The following MARCHF5 variants were observed in gnomAD, a reference collection of about 807,000 sequenced individuals.
MARCHF5 encodes the protein E3 ubiquitin-protein ligase MARCHF5.
A neutral mutation model predicts 36.5 loss-of-function variants in MARCHF5; 5 were observed. The ratio of observed to expected loss-of-function variants is 0.14; its 90% CI spans 0.07 to 0.29. The LOEUF (loss-of-function observed/expected upper bound fraction) is 0.29, where lower values mean the gene tolerates loss of function less well. Among genes scored for constraint, MARCHF5 ranks in the 10% least tolerant of loss-of-function variants. The probability of loss-of-function intolerance (pLI) is 1.00; values close to 1 mark genes in which losing one functional copy is unlikely to be tolerated. For missense variants in MARCHF5, 179 were observed against 336.3 expected, an observed-to-expected ratio of 0.53 and a Z score of 3.66; for synonymous variants, 103 against 109.9, an observed-to-expected ratio of 0.94 and a Z score of 0.39.
At chr10:92,349,881 A>G in intron 5 of MARCHF5, 44 bp downstream of exon 5, 1 of 1,501,632 alleles carries the variant, frequency 6.7e-7, no homozygotes, top group Non-Finnish European at 9.2e-7. Flanking sequence ...GCAAAAGAGA[A>G]TGAAGTGTAT....
At chr10:92,304,671 A>G (rs2771248) in intron 1 of MARCHF5, among the ~76,000 whole-genome samples, 48,943 of 152,092 alleles carry the variant, frequency 0.32, 9,754 homozygotes, top group South Asian at 0.57. Flanking sequence ...ACTCATTTCT[A>G]ATTGCTGTGC....
chr10:92,322,050 G>A (rs1362347186), intron 2 of MARCHF5, among the ~76,000 whole-genome samples: 1 of 151,536 alleles, frequency 6.6e-6, no homozygotes, highest in South Asian at 2.1e-4. Flanking sequence ...TTCAAGACCA[G>A]CCTGACCAAC....
At position 92,291,389 on chromosome 10, in the gene MARCHF5, T is replaced by TGCCGCCGGACTGCGGCCTACTCC; in HGVS notation, c.-99_-77dup. On this transcript the variant is annotated 5_prime_UTR_variant, in exon 1 of 6. It introduces an in-frame stop codon into an upstream open reading frame of the 5' UTR. Transcript: ENST00000358935. ...GGAAGCTGGGTGACGGGTTCGCGGCTGCCGCCGGACTGCGGCCTACTCCGC... is the reference window on the plus strand; with the variant it reads ...GGAAGCTGGGTGACGGGTTCGCGGCTGCCGCCGGACTGCGGCCTACTCCGCCGCCGGACTGCGGCCTACTCCGC... 9.4e-7 allele frequency: 1 copy of TGCCGCCGGACTGCGGCCTACTCC among 1,063,682 alleles called. No individual in the cohort carries two copies. The allele number at this position is 1,063,682 out of a possible 1,614,324, so 65.9% of individuals were successfully genotyped here. A position where few individuals can be genotyped will look rare whatever the true frequency, so the allele number is the denominator to read the frequency against.
chr10:92,340,619 C>G (rs958154993), intron 2 of MARCHF5, 54 bp from the exon 3 acceptor site: 2 of 1,497,160 alleles, frequency 1.3e-6, no homozygotes, highest in Non-Finnish European at 1.8e-6. Flanking sequence ...TCAAACAAGT[C>G]ATTTTAAAAG....
At chr10:92,324,748 C>T (rs1389286629) in intron 2 of MARCHF5, among the ~76,000 whole-genome samples, 2 of 152,006 alleles carry the variant, frequency 1.3e-5, no homozygotes, top group African/African-American at 4.8e-5. Context: ...CTTTGACTCA[C>T]TGATTATTTA....
In MARCHF5 at chr10:92,340,552, A is replaced by C. The variant is rs1590666222; in HGVS notation, c.239-121A>C. 3 of 907,546 alleles carry C rather than the reference A, an allele frequency of 3.3e-6. No homozygotes were observed. The East Asian group carries it at 7.9e-5, about 24-fold the overall frequency. The allele number at this position is 907,546 out of a possible 1,614,324, so 56.2% of individuals were successfully genotyped here. ...ATGCCACTGCACTATAATCTGGATGACAAAGTGAGACCCTGTGTCTTGTTG... is the reference window on the plus strand; with the variant it reads ...ATGCCACTGCACTATAATCTGGATGCCAAAGTGAGACCCTGTGTCTTGTTG... On this transcript the variant is annotated intron_variant, in intron 2 of 5. Coordinates refer to ENST00000358935, the MANE Select transcript of MARCHF5 (RefSeq NM_017824.5).
At chr10:92,293,961 A>G (rs1842921349) in intron 1 of MARCHF5, among the ~76,000 whole-genome samples, 1 of 152,178 alleles carries the variant, frequency 6.6e-6, no homozygotes. Context: ...AAAGACCGTT[A>G]TTGTCTAGAT....
At chr10:92,328,821 ATT>A (rs34713388) in intron 2 of MARCHF5, among the ~76,000 whole-genome samples, 28 of 122,420 alleles carry the variant, frequency 2.3e-4, no homozygotes, top group African/African-American at 7.3e-4. Context: ...ATATATATAT[ATT>A]TTTTTTTTTT....
chr10:92,336,919 T>A (rs1303505279), intron 2 of MARCHF5, among the ~76,000 whole-genome samples: 2 of 151,674 alleles, frequency 1.3e-5, no homozygotes, highest in Admixed American at 1.3e-4. Context: ...GCCTAAGAAT[T>A]TGAGACCAGC....
At chr10:92,300,287 G>A (rs1162339192) in intron 1 of MARCHF5, among the ~76,000 whole-genome samples, 2 of 151,716 alleles carry the variant, frequency 1.3e-5, no homozygotes, top group East Asian at 1.9e-4. Flanking sequence ...TGAGACCAGC[G>A]TGGGCAACAT....
chr10:92,333,087 G>T (rs565801195), intron 2 of MARCHF5, among the ~76,000 whole-genome samples: 4 of 151,696 alleles, frequency 2.6e-5, no homozygotes, highest in Admixed American at 1.3e-4. Context: ...TTGAACCTGG[G>T]AGGCGGAGGA....
At chr10:92,328,926 G>A (rs529422580) in intron 2 of MARCHF5, among the ~76,000 whole-genome samples, 3 of 150,936 alleles carry the variant, frequency 2.0e-5, no homozygotes, top group East Asian at 1.9e-4. Context: ...TGATAAGACC[G>A]ATCAGTGTGT....
intron 2 of MARCHF5, among the ~76,000 whole-genome samples, chr10:92,328,450 A>C (rs1017573026): frequency 1.1e-4 from 16 of 143,372 alleles, no homozygotes; most frequent in Non-Finnish European, 2.1e-4. Context: ...TCTTTTTTAC[A>C]TTTATTGTGA....
chr10:92,322,614 A>AT (rs763623132), intron 2 of MARCHF5, among the ~76,000 whole-genome samples: 1,569 of 119,240 alleles, frequency 0.013, 12 homozygotes, highest in Non-Finnish European at 0.015. Context: ...TAGTTTTTGT[A>AT]TTTTTTTTTT....
intron 2 of MARCHF5, among the ~76,000 whole-genome samples, chr10:92,328,914 TATG>T (rs2135203025): frequency 6.6e-6 from 1 of 151,806 alleles, no homozygotes; most frequent in Admixed American, 6.6e-5. Flanking sequence ...TTGTTCTTTT[TATG>T]ATAAGACCGA....
chr10:92,310,548 A>C (rs1461479508), intron 1 of MARCHF5, among the ~76,000 whole-genome samples: 7 of 151,962 alleles, frequency 4.6e-5, no homozygotes, highest in African/African-American at 1.5e-4. Flanking sequence ...TCATATTGCT[A>C]TTCTAAAAAA....
At chr10:92,337,855 C>T (rs1290141280) in intron 2 of MARCHF5, among the ~76,000 whole-genome samples, 1 of 151,380 alleles carries the variant, frequency 6.6e-6, no homozygotes, top group African/African-American at 2.4e-5. Flanking sequence ...GATAAATGTT[C>T]TCTTATGGCT....
intron 1 of MARCHF5, among the ~76,000 whole-genome samples, chr10:92,305,493 C>T (rs1015079517): frequency 1.3e-5 from 2 of 152,056 alleles, no homozygotes; most frequent in Non-Finnish European, 2.9e-5. Flanking sequence ...CTTTCGGGAT[C>T]ATGATCACCT....
intron 2 of MARCHF5, among the ~76,000 whole-genome samples, chr10:92,330,965 G>A (rs1309721411): frequency 3.3e-5 from 5 of 152,052 alleles, no homozygotes; most frequent in Non-Finnish European, 7.4e-5. Flanking sequence ...AAATTCAGTG[G>A]TAATGTCAGG....
Sources: allele counts gnomAD v4.1 joint callset (sites outside exome capture counted in the v4.1 genomes callset), GRCh38; gene constraint gnomAD v4.1.1; transcripts MANE v1.5; gene names NCBI Gene and HGNC (gene_info 2026-07-23, HGNC 2026-07-21).